The following CREB5 variants were observed in gnomAD, a reference collection of about 807,000 sequenced individuals.
The protein encoded by CREB5 is cAMP responsive element binding protein 5, also known as cyclic AMP-responsive element-binding protein 5.
CREB5 carries 19 observed loss-of-function variants against 57.1 expected under a neutral mutation model. That is an observed-to-expected ratio of 0.33 (90% CI 0.23 to 0.49). The LOEUF is 0.49. Among genes scored for constraint, CREB5 ranks in the 20% least tolerant of loss-of-function variants. The pLI is 0.99. For missense variants in CREB5, 579 were observed against 671.6 expected, an observed-to-expected ratio of 0.86 and a Z score of 1.52; for synonymous variants, 238 against 238.3, an observed-to-expected ratio of 1.00 and a Z score of 0.01.
chr7:28,728,639 G>A (rs150145025), intron 7 of CREB5, among the ~76,000 whole-genome samples: 26 of 152,192 alleles, frequency 1.7e-4, no homozygotes, highest in African/African-American at 4.8e-4. Flanking sequence ...TATTTTACAC[G>A]TGTGTCTCTC....
intron 7 of CREB5, among the ~76,000 whole-genome samples, chr7:28,772,386 G>A (rs1201587850): frequency 6.6e-6 from 1 of 152,172 alleles, no homozygotes; most frequent in African/African-American, 2.4e-5. Context: ...AGGAAGCCAG[G>A]TGGAACGGGG....
At chr7:28,566,156 A>G (rs533982482) in intron 4 of CREB5, among the ~76,000 whole-genome samples, 1 of 152,294 alleles carries the variant, frequency 6.6e-6, no homozygotes, top group African/African-American at 2.4e-5. Flanking sequence ...TCTACAATGG[A>G]ATAATTACTT....
At chr7:28,495,868 G>A (rs1291871525) in intron 3 of CREB5, among the ~76,000 whole-genome samples, 2 of 152,170 alleles carry the variant, frequency 1.3e-5, no homozygotes, top group South Asian at 4.1e-4. Flanking sequence ...GAGAATGTAT[G>A]GAAACAGCAA....
chr7:28,692,062 C>T (rs904526088), intron 5 of CREB5, among the ~76,000 whole-genome samples: 5 of 150,768 alleles, frequency 3.3e-5, no homozygotes, highest in South Asian at 2.1e-4. Context: ...GGCATGCGCA[C>T]GTAGTCCCAG....
intron 1 of CREB5, among the ~76,000 whole-genome samples, chr7:28,373,923 ATG>A (rs776407526): frequency 6.7e-6 from 1 of 148,826 alleles, no homozygotes; most frequent in African/African-American, 2.6e-5. Flanking sequence ...ATATATATAT[ATG>A]TATAACTTTC....
At chr7:28,713,708 C>T (rs898258866) in intron 5 of CREB5, among the ~76,000 whole-genome samples, 5 of 151,992 alleles carry the variant, frequency 3.3e-5, no homozygotes, top group South Asian at 2.1e-4. Context: ...TCCTGAAATC[C>T]GAATTTTAGA....
chr7:28,690,630 G>A (rs73083773), intron 5 of CREB5, among the ~76,000 whole-genome samples: 8,379 of 152,194 alleles, frequency 0.055, 326 homozygotes, highest in Middle Eastern at 0.13. Context: ...GACTGACCTC[G>A]AGGAGCCATT....
intron 1 of CREB5, among the ~76,000 whole-genome samples, chr7:28,486,290 C>T (rs1791540071): frequency 6.6e-6 from 1 of 151,992 alleles, no homozygotes; most frequent in South Asian, 2.1e-4. Flanking sequence ...AGAATATTGT[C>T]AAAAACATTA....
chr7:28,407,886 C>T (rs986047321), upstream of CREB5, among the ~76,000 whole-genome samples: 29 of 152,270 alleles, frequency 1.9e-4, no homozygotes, highest in African/African-American at 7.0e-4. Context: ...CAAACTGCAC[C>T]GTCATGGTTG....
chr7:28,486,467 C>T (rs1214364576), intron 1 of CREB5, among the ~76,000 whole-genome samples: 1 of 151,306 alleles, frequency 6.6e-6, no homozygotes, highest in Non-Finnish European at 1.5e-5. Context: ...GAATCACCTA[C>T]AAGTGGCATT....
At chr7:28,739,582 A>G (rs2128755982) in intron 7 of CREB5, among the ~76,000 whole-genome samples, 1 of 152,362 alleles carries the variant, frequency 6.6e-6, no homozygotes, top group East Asian at 1.9e-4. Flanking sequence ...CAGCCTCTAA[A>G]GAACTTACAT....
intron 7 of CREB5, among the ~76,000 whole-genome samples, chr7:28,729,447 G>A (rs562724781): frequency 2.0e-5 from 3 of 152,188 alleles, no homozygotes; most frequent in African/African-American, 4.8e-5. Flanking sequence ...TATCCACTTC[G>A]TTTTGAATGT....
chr7:28,691,842 T>C (rs541742683), intron 5 of CREB5, among the ~76,000 whole-genome samples: 8 of 151,998 alleles, frequency 5.3e-5, no homozygotes, highest in Non-Finnish European at 7.4e-5. Flanking sequence ...TGACAGAAAA[T>C]AGGCTGGGCC....
At chr7:28,735,612 G>A (rs897005690) in intron 7 of CREB5, among the ~76,000 whole-genome samples, 4 of 152,206 alleles carry the variant, frequency 2.6e-5, no homozygotes, top group African/African-American at 9.7e-5. Flanking sequence ...AAAGTTGAGT[G>A]AGTCCTCTGT....
chr7:28,419,078 T>G (rs1014569640), intron 1 of CREB5, among the ~76,000 whole-genome samples: 1 of 152,240 alleles, frequency 6.6e-6, no homozygotes, highest in East Asian at 1.9e-4. Context: ...GAATCTGTTT[T>G]AAAAGTTGCA....
chr7:28,560,835 T>TGCGTGCGCGTGCGTGC (rs1450019513), intron 4 of CREB5, among the ~76,000 whole-genome samples: 1 of 59,746 alleles, frequency 1.7e-5, no homozygotes, highest in Non-Finnish European at 4.1e-5. Flanking sequence ...CGCGCGCGCG[T>TGCGTGCGCGTGCGTGC]GTGTGTGTGC....
At chr7:28,478,162 C>G (rs1791160362) in intron 1 of CREB5, among the ~76,000 whole-genome samples, 1 of 152,120 alleles carries the variant, frequency 6.6e-6, no homozygotes, top group East Asian at 1.9e-4. Context: ...TATTTCTGCA[C>G]TTTAAACATA....
intron 7 of CREB5, among the ~76,000 whole-genome samples, chr7:28,724,971 C>T (rs1405663431): frequency 6.6e-6 from 1 of 152,150 alleles, no homozygotes; most frequent in Non-Finnish European, 1.5e-5. Context: ...AAAACCAATG[C>T]AATACGTGTC....
At chr7:28,561,420 AATG>A (rs1309888927) in intron 4 of CREB5, among the ~76,000 whole-genome samples, 2 of 152,250 alleles carry the variant, frequency 1.3e-5, no homozygotes, top group African/African-American at 4.8e-5. Flanking sequence ...CATTGATAGT[AATG>A]ATGATGAGAA....
Sources: gnomAD v4.1 joint callset for allele counts (sites outside exome capture counted in the v4.1 genomes callset) on GRCh38, gnomAD v4.1.1 for gene constraint, MANE v1.5 for transcripts, NCBI Gene and HGNC (gene_info 2026-07-23, HGNC 2026-07-21) for gene names.